PDE1C: variants seen among roughly 807,000 people sequenced by gnomAD.
PDE1C encodes the protein dual specificity calcium/calmodulin-dependent 3',5'-cyclic nucleotide phosphodiesterase 1C.
PDE1C carries 62 observed loss-of-function variants against 93.1 expected under a neutral mutation model. The ratio of observed to expected loss-of-function variants is 0.67; its 90% confidence interval spans 0.54 to 0.82. The LOEUF is 0.82. Among genes scored for constraint, PDE1C ranks in the 40% least tolerant of loss-of-function variants. PDE1C has a pLI of 0.00. For synonymous variants in PDE1C, 325 were observed against 310.1 expected, an observed-to-expected ratio of 1.05 and a Z score of -0.50; for missense variants, 742 against 884.6, an observed-to-expected ratio of 0.84 and a Z score of 2.04.
chr7:31,891,127 T>G (rs1583816815), intron 2 of PDE1C, among the ~76,000 whole-genome samples: 1 of 152,198 alleles, frequency 6.6e-6, no homozygotes, highest in Non-Finnish European at 1.5e-5. Context: ...CACCATGGGT[T>G]TCCAAGATTG....
intron 1 of PDE1C, among the ~76,000 whole-genome samples, chr7:32,414,529 T>G (rs1397828448): frequency 6.6e-6 from 1 of 152,212 alleles, no homozygotes; most frequent in African/African-American, 2.4e-5. Flanking sequence ...TATTTGACAT[T>G]TTTGCAACAA....
intron 16 of PDE1C, among the ~76,000 whole-genome samples, chr7:31,805,115 G>A (rs1786652305): frequency 1.3e-5 from 2 of 151,702 alleles, no homozygotes; most frequent in African/African-American, 4.8e-5. Flanking sequence ...CACGTAAGAT[G>A]TGCCTTTGCT....
chr7:32,117,514 TAG>T (rs1799050103), intron 3 of PDE1C, among the ~76,000 whole-genome samples: 1 of 152,212 alleles, frequency 6.6e-6, no homozygotes, highest in Non-Finnish European at 1.5e-5. Flanking sequence ...GACTACAGTA[TAG>T]AACCCTTTCT....
chr7:32,198,652 AG>A (rs1170848853), intron 2 of PDE1C, among the ~76,000 whole-genome samples: 1 of 152,204 alleles, frequency 6.6e-6, no homozygotes, highest in Non-Finnish European at 1.5e-5. Flanking sequence ...TAAAGAAGAA[AG>A]GGGATGAAGA....
At chr7:31,650,252 A>C in the PDE1C span, among the ~76,000 whole-genome samples, 1 of 152,184 alleles carries the variant, frequency 6.6e-6, no homozygotes, top group Non-Finnish European at 1.5e-5. Context: ...TGGCGAAAGC[A>C]AACAGTAAAT....
chr7:32,010,477 C>T (rs571146387), intron 2 of PDE1C, among the ~76,000 whole-genome samples: 28 of 152,210 alleles, frequency 1.8e-4, no homozygotes, highest in Admixed American at 1.8e-3. Flanking sequence ...ATACTTGCCA[C>T]CACATAAAAA....
chr7:31,991,614 T>C (rs995521577), intron 2 of PDE1C, among the ~76,000 whole-genome samples: 1 of 152,238 alleles, frequency 6.6e-6, no homozygotes. Context: ...CAGTAAATAA[T>C]GGCTCCCTTC....
At chr7:32,371,291 C>A (rs758191718) in intron 1 of PDE1C, among the ~76,000 whole-genome samples, 2 of 152,226 alleles carry the variant, frequency 1.3e-5, no homozygotes, top group Non-Finnish European at 2.9e-5. Context: ...CCTCCCTAGA[C>A]TCCCCAAGCC....
chr7:32,287,336 G>A (rs898575573), intron 1 of PDE1C, among the ~76,000 whole-genome samples: 1 of 152,116 alleles, frequency 6.6e-6, no homozygotes, highest in African/African-American at 2.4e-5. Context: ...TCCAGCCACA[G>A]GGCCTCTGCA....
intron 2 of PDE1C, among the ~76,000 whole-genome samples, chr7:31,962,880 G>C (rs1809225980): frequency 1.3e-5 from 2 of 152,136 alleles, no homozygotes; most frequent in African/African-American, 4.8e-5. Context: ...CGAGAACCAA[G>C]ACAAGCTACA....
intron 2 of PDE1C, among the ~76,000 whole-genome samples, chr7:32,205,988 C>T (rs1805453353): frequency 6.6e-6 from 1 of 152,142 alleles, no homozygotes; most frequent in South Asian, 2.1e-4. Flanking sequence ...TTGAAGTCAG[C>T]GAGACCAAGA....
intron 2 of PDE1C, among the ~76,000 whole-genome samples, chr7:31,908,451 C>T (rs891684729): frequency 6.6e-6 from 1 of 152,166 alleles, no homozygotes; most frequent in African/African-American, 2.4e-5. Context: ...ATGCTCCACA[C>T]ATCCCACCAC....
intron 1 of PDE1C, among the ~76,000 whole-genome samples, chr7:32,282,485 A>AATAGATAGCTAGCTAGATAG (rs376678996): frequency 7.0e-6 from 1 of 143,860 alleles, no homozygotes; most frequent in Non-Finnish European, 1.5e-5. Flanking sequence ...TCAAAAAAAA[A>AATAGATAGCTAGCTAGATAG]ATAGATAGAT....
At chr7:32,135,625 G>T (rs1800162742) in intron 3 of PDE1C, among the ~76,000 whole-genome samples, 1 of 152,162 alleles carries the variant, frequency 6.6e-6, no homozygotes, top group Non-Finnish European at 1.5e-5. Flanking sequence ...ATGTTGGCAA[G>T]GGTGTGGAGA....
chr7:31,639,523 T>C, the PDE1C span, among the ~76,000 whole-genome samples: 37 of 75,292 alleles, frequency 4.9e-4, no homozygotes, highest in Middle Eastern at 6.6e-3. Flanking sequence ...GTTTTTCTTT[T>C]GTTTGTTTGT....
intron 2 of PDE1C, among the ~76,000 whole-genome samples, chr7:32,048,212 C>A (rs927255030): frequency 6.6e-6 from 1 of 152,162 alleles, no homozygotes; most frequent in East Asian, 1.9e-4. Context: ...ATAGATTAAA[C>A]AAGGCTGGAA....
intron 2 of PDE1C, among the ~76,000 whole-genome samples, chr7:31,933,797 G>A (rs1804656753): frequency 6.6e-6 from 1 of 152,156 alleles, no homozygotes; most frequent in African/African-American, 2.4e-5. Flanking sequence ...TCTGCCATGG[G>A]ACATGCAAGC....
chr7:31,719,389 CT>C, the PDE1C span, among the ~76,000 whole-genome samples: 776 of 152,340 alleles, frequency 5.1e-3, 7 homozygotes, highest in African/African-American at 0.017. Flanking sequence ...TGCTATAATC[CT>C]GAGCAAGTCG....
At chr7:31,643,218 C>T in the PDE1C span, 1 of 1,613,876 alleles carries the variant, frequency 6.2e-7, no homozygotes, top group East Asian at 2.2e-5. Flanking sequence ...ACTCTGAGGC[C>T]CCACGAGAAG....
Sources: allele counts gnomAD v4.1 joint callset (sites outside exome capture counted in the v4.1 genomes callset), GRCh38; gene constraint gnomAD v4.1.1; transcripts MANE v1.5; gene names NCBI Gene and HGNC (gene_info 2026-07-23, HGNC 2026-07-21).